Variants in SORCS2 observed in about 807,000 individuals in gnomAD.
The protein encoded by SORCS2 is sortilin related VPS10 domain containing receptor 2.
A neutral mutation model predicts 141.6 loss-of-function variants in SORCS2; 100 were observed. That is an observed-to-expected ratio of 0.71 (90% CI 0.60 to 0.83). The LOEUF (loss-of-function observed/expected upper bound fraction) is 0.83, where lower values mean the gene tolerates loss of function less well. SORCS2 is among the 40% of genes least tolerant of loss of function. The probability of loss-of-function intolerance (pLI) is 0.00; values close to 1 mark genes in which losing one functional copy is unlikely to be tolerated. For synonymous variants in SORCS2, 789 were observed against 676.9 expected, an observed-to-expected ratio of 1.17 and a Z score of -2.57; for missense variants, 1,646 against 1,560.2, an observed-to-expected ratio of 1.05 and a Z score of -0.93.
intron 1 of SORCS2, among the ~76,000 whole-genome samples, chr4:7,254,921 G>A (rs1164886939): frequency 6.6e-6 from 1 of 152,076 alleles, no homozygotes; most frequent in Non-Finnish European, 1.5e-5. Context: ...GTTCCCATGA[G>A]GTCCCAGGGC....
chr4:7,396,086 C>T (rs1724191581), intron 1 of SORCS2, among the ~76,000 whole-genome samples: 1 of 152,184 alleles, frequency 6.6e-6, no homozygotes, highest in African/African-American at 2.4e-5. Context: ...ACAAGCAAGT[C>T]CTCAGAGCAG....
At chr4:7,475,036 C>A (rs1039713289) in intron 2 of SORCS2, among the ~76,000 whole-genome samples, 1 of 152,234 alleles carries the variant, frequency 6.6e-6, no homozygotes, top group African/African-American at 2.4e-5. Flanking sequence ...GGACTTAGGG[C>A]CCACTCTGGC....
At position 7,245,328 on chromosome 4, in the gene SORCS2, G is replaced by A. The variant is rs35119317; in HGVS notation, c.480+52202G>A. On this transcript the variant is annotated intron_variant, in intron 1 of 26. Transcript: ENST00000507866. ...TGGTGCGCCATGGATGTGGACATGC[G>A]GTTCTCATCCCTGCTGCACACCGGA... 7.5e-3 allele frequency among the ~76,000 whole-genome samples: 1,148 copies of A among 152,332 alleles called. 12 individuals carry two copies. The highest frequency in any genetic ancestry group is 0.026 in the African/African-American group (1,081 of 41,580).
At chr4:7,229,765 TGTATGAAGGAGATGAAGATGGTCCAGTC>T (rs1711691981) in intron 1 of SORCS2, among the ~76,000 whole-genome samples, 1 of 151,932 alleles carries the variant, frequency 6.6e-6, no homozygotes, top group Admixed American at 6.6e-5. Context: ...CATGTGCTCA[TGTATGAAGGAGATGAAGATGGTCCAGTC>T]TTCCAGTGTC....
At chr4:7,269,541 A>T (rs1714978896) in intron 1 of SORCS2, among the ~76,000 whole-genome samples, 10 of 152,202 alleles carry the variant, frequency 6.6e-5, no homozygotes, top group Admixed American at 6.5e-4. Context: ...CTTGAGCCTT[A>T]TGAGGGAAAG....
intron 1 of SORCS2, among the ~76,000 whole-genome samples, chr4:7,305,063 G>C: frequency 6.9e-6 from 1 of 144,398 alleles, no homozygotes. Context: ...GACAGAGTCT[G>C]GCTCTTTTGC....
rs139055196 is a variant in SORCS2, at chr4:7,707,484, G to C, written c.1868+3200G>C. 3.9e-4 allele frequency among the ~76,000 whole-genome samples: 59 copies of C among 152,346 alleles called. 1 individual carries two copies. In the East Asian group the frequency reaches 0.011, roughly 28 times the overall value. ...AAGTGGTGAGTGTGGACCCCTCTCA[G>C]GGTATTTAAGATGAGCGGGTCAGCA... On this transcript the variant is annotated intron_variant, in intron 14 of 26. Transcript: ENST00000507866.
At chr4:7,630,194 A>G (rs1253673286) in intron 3 of SORCS2, among the ~76,000 whole-genome samples, 4 of 152,148 alleles carry the variant, frequency 2.6e-5, no homozygotes, top group Non-Finnish European at 5.9e-5. Flanking sequence ...GACACAGCCC[A>G]GGACTGCTTG....
At chr4:7,403,983 ATATATATATATATATTT>A (rs1296968046) in intron 2 of SORCS2, among the ~76,000 whole-genome samples, 293 of 20,228 alleles carry the variant, frequency 0.014, 12 homozygotes, top group African/African-American at 0.047. Flanking sequence ...ATATATATAT[ATATATATATATATATTT>A]TTTTTTTTTT....
At position 7,469,601 on chromosome 4, in the gene SORCS2, C is replaced by A. The variant is rs79908988; in HGVS notation, c.549-61929C>A. 6.8e-3 allele frequency among the ~76,000 whole-genome samples: 1,036 copies of A among 152,300 alleles called. 19 individuals are homozygous for A. Among genetic ancestry groups the A allele is most frequent in the African/African-American group, 0.024 (987 of 41,560 alleles). On this transcript the variant is annotated intron_variant, in intron 2 of 26. Coordinates refer to ENST00000507866, the MANE Select transcript of SORCS2 (RefSeq NM_020777.3). ...TCCAGCCCCACTGAGGCTTCCAAGTCTCTTGCCAACAGATCCCCAGTCCTA... is the reference window on the plus strand; with the variant it reads ...TCCAGCCCCACTGAGGCTTCCAAGTATCTTGCCAACAGATCCCCAGTCCTA...
At chr4:7,681,642 A>G (rs1171008900) in intron 9 of SORCS2, among the ~76,000 whole-genome samples, 1 of 152,214 alleles carries the variant, frequency 6.6e-6, no homozygotes, top group Non-Finnish European at 1.5e-5. Context: ...CATCTGTTAT[A>G]GCAGCTGCTG....
intron 2 of SORCS2, among the ~76,000 whole-genome samples, chr4:7,453,588 C>G (rs1577589494): frequency 2.5e-5 from 3 of 119,796 alleles, no homozygotes; most frequent in South Asian, 3.0e-4. Flanking sequence ...GGGTCAGGCA[C>G]TGTGTTGGGG....
At chr4:7,363,309 G>T (rs1402846599) in intron 1 of SORCS2, among the ~76,000 whole-genome samples, 1 of 143,306 alleles carries the variant, frequency 7.0e-6, no homozygotes, top group South Asian at 2.2e-4. Context: ...TACCTTCACT[G>T]CCATCATTAC....
At chr4:7,600,656 T>TATATACAC (rs1304491103) in intron 3 of SORCS2, among the ~76,000 whole-genome samples, 2 of 140,902 alleles carry the variant, frequency 1.4e-5, no homozygotes, top group African/African-American at 5.5e-5. Context: ...CATATATATA[T>TATATACAC]ACACACACAC....
Position 7,740,547 on chromosome 4 carries a change from C to T in SORCS2, c.*283C>T, listed in dbSNP as rs1048018464. 5 of 492,310 alleles carry T rather than the reference C, an allele frequency of 1.0e-5. No individual in the cohort carries two copies. The highest frequency in any genetic ancestry group is 3.4e-5 in the East Asian group (1 of 29,312). The allele number at this position is 492,310 out of a possible 1,614,324, so 30.5% of individuals were successfully genotyped here. Reference sequence around the variant, plus strand: ...CCAGACCCCACACACGGCCGCCCCACGTGCTGTCGCTCAGCCCGAGGCCTG... The same window carrying T: ...CCAGACCCCACACACGGCCGCCCCATGTGCTGTCGCTCAGCCCGAGGCCTG... On this transcript the variant is annotated 3_prime_UTR_variant, in exon 27 of 27. Coordinates refer to ENST00000507866, the MANE Select transcript of SORCS2 (RefSeq NM_020777.3).
intron 2 of SORCS2, among the ~76,000 whole-genome samples, chr4:7,528,230 G>C (rs913474862): frequency 6.6e-6 from 1 of 152,134 alleles, no homozygotes; most frequent in Non-Finnish European, 1.5e-5. Flanking sequence ...TCCTAGGCCC[G>C]TAGTATGGGC....
At chr4:7,348,802 G>A (rs545373721) in intron 1 of SORCS2, among the ~76,000 whole-genome samples, 53 of 152,248 alleles carry the variant, frequency 3.5e-4, no homozygotes, top group South Asian at 6.2e-4. Flanking sequence ...ATCCACCCAC[G>A]TCAGTCTCCC....
At chr4:7,616,488 C>T (rs978261491) in intron 3 of SORCS2, among the ~76,000 whole-genome samples, 2 of 152,126 alleles carry the variant, frequency 1.3e-5, no homozygotes, top group African/African-American at 4.8e-5. Context: ...CCTGAGCTAC[C>T]CTTCATCCAA....
At chr4:7,352,355 T>C (rs974166248) in intron 1 of SORCS2, among the ~76,000 whole-genome samples, 1 of 152,206 alleles carries the variant, frequency 6.6e-6, no homozygotes, top group Non-Finnish European at 1.5e-5. Flanking sequence ...AGTCATTCAG[T>C]TTTACAATGA....
Sources: gnomAD v4.1 joint callset for allele counts (sites outside exome capture counted in the v4.1 genomes callset) on GRCh38, gnomAD v4.1.1 for gene constraint, MANE v1.5 for transcripts, NCBI Gene and HGNC (gene_info 2026-07-23, HGNC 2026-07-21) for gene names.